The following CDC20B variants were observed in gnomAD, a reference collection of about 807,000 sequenced individuals.
CDC20B encodes cell division cycle protein 20 homolog B.
A neutral mutation model predicts 64.1 loss-of-function variants in CDC20B; 58 were observed. That is an observed-to-expected ratio of 0.90 (90% CI 0.73 to 1.13). CDC20B has a LOEUF of 1.13. CDC20B is among the 50% of genes most tolerant of loss of function. The pLI is 0.00. For synonymous variants in CDC20B, 243 were observed against 230.6 expected (o/e 1.05, Z -0.49); for missense variants, 597 against 633.0 (o/e 0.94, Z 0.61).
rs1742728819 is a variant in CDC20B, at chr5:55,120,442, G to A, written c.1324C>T (p.Pro442Ser). The change falls in exon 10 of 12, where the codon CCA (proline) becomes TCA (serine). Residue 442 changes from proline (P) to serine (S), a missense_variant. Physicochemically the swap from Pro to Ser is moderately conservative, Grantham distance 74 (BLOSUM62 -1). This residue lies in a region of CDC20B where 353 missense variants were observed against 397.0 expected (regional missense o/e 0.89). Coordinates refer to ENST00000381375, the MANE Select transcript of CDC20B (RefSeq NM_001170402.1). ...ATATTAACCTGTGAGTTTGTGCTTG[G>A]GGTCTGGATGCTCTTCCCAGCATTT... ...DINAGKSIQT[P>S]STNSQICSLI... is the part of the protein sequence containing the mutation. 1 of 1,613,566 alleles carries A rather than the reference G, an allele frequency of 6.2e-7. No homozygotes were observed. Among genetic ancestry groups the A allele is most frequent in the Admixed American group, 1.7e-5 (1 of 59,986 alleles).
chr5:55,118,812 A>G (rs569577342), intron 11 of CDC20B, among the ~76,000 whole-genome samples: 116 of 152,330 alleles, frequency 7.6e-4, no homozygotes, highest in African/African-American at 2.6e-3. Flanking sequence ...CGGGCTCATC[A>G]TCAGAGGCAG....
chr5:55,172,957 G>A lies in CDC20B; in HGVS notation c.44C>T (p.Thr15Met), dbSNP rs1424121360. 15 of 1,611,254 alleles carry A rather than the reference G, an allele frequency of 9.3e-6. No homozygotes were observed. The highest frequency in any genetic ancestry group is 1.3e-5 in the Non-Finnish European group (15 of 1,178,988). The change falls in exon 1 of 12, where the codon ACG becomes ATG. Residue 15 changes from threonine (T) to methionine (M), a missense_variant. This residue lies in a region of CDC20B where 241 missense variants were observed against 219.2 expected (regional missense o/e 1.10). Transcript: ENST00000381375. Reference protein sequence around the residue: ...LERTAPRRVRTEEEMLWESIM... With the variant: ...LERTAPRRVRMEEEMLWESIM... ...ACTCACCCACAGCATCTCCTCTTCC[G>A]TGCGGACCCTCCGAGGCGCGGTGCG... is the stretch of plus-strand genomic sequence containing the variant.
At chr5:55,118,728 C>G (rs1340528694) in intron 11 of CDC20B, among the ~76,000 whole-genome samples, 1 of 152,158 alleles carries the variant, frequency 6.6e-6, no homozygotes, top group Non-Finnish European at 1.5e-5. Context: ...GCTAAGAGTT[C>G]CCTGTATTCT....
chr5:55,123,242 G>C (rs1742799505), intron 9 of CDC20B, among the ~76,000 whole-genome samples: 1 of 152,086 alleles, frequency 6.6e-6, no homozygotes, highest in Admixed American at 6.6e-5. Flanking sequence ...TGCTTTAATT[G>C]TCTTTTTCAA....
At chr5:55,138,306 G>A (rs1157900889) in intron 5 of CDC20B, among the ~76,000 whole-genome samples, 5 of 152,014 alleles carry the variant, frequency 3.3e-5, no homozygotes, top group South Asian at 2.1e-4. Flanking sequence ...GATTACAGGC[G>A]TGAGCCACTA....
chr5:55,139,963 G>C (rs1743286186), intron 5 of CDC20B, among the ~76,000 whole-genome samples: 2 of 152,144 alleles, frequency 1.3e-5, no homozygotes, highest in South Asian at 4.1e-4. Context: ...GGAGGCAAAG[G>C]TTGCAGTGAG....
intron 2 of CDC20B, chr5:55,160,688 A>C: frequency 2.2e-6 from 1 of 454,026 alleles, no homozygotes; most frequent in East Asian, 3.8e-5. Context: ...ATTTATTAAT[A>C]AAAGTATTGG....
At chr5:55,128,855 T>G (rs553391454) in intron 6 of CDC20B, among the ~76,000 whole-genome samples, 5 of 152,346 alleles carry the variant, frequency 3.3e-5, no homozygotes, top group Admixed American at 6.5e-5. Flanking sequence ...GAAATATATT[T>G]ATTTAGAGCC....
intron 4 of CDC20B, among the ~76,000 whole-genome samples, chr5:55,140,718 T>C (rs1743306713): frequency 1.3e-5 from 2 of 152,178 alleles, no homozygotes. Context: ...CTATACACCA[T>C]AGGCCAGTGA....
intron 2 of CDC20B, chr5:55,160,445 G>A (rs1399428325): frequency 1.4e-6 from 2 of 1,460,358 alleles, no homozygotes; most frequent in African/African-American, 2.8e-5. Context: ...CCTTGTCTCT[G>A]TTTATTCCTC....
chr5:55,149,395 T>C (rs962017225), intron 2 of CDC20B, among the ~76,000 whole-genome samples: 11 of 152,216 alleles, frequency 7.2e-5, no homozygotes, highest in Non-Finnish European at 1.2e-4. Context: ...CTCAAATTCA[T>C]GTGCACATAT....
At chr5:55,164,316 C>A in intron 2 of CDC20B, 1 of 892,232 alleles carries the variant, frequency 1.1e-6, no homozygotes, top group Non-Finnish European at 1.6e-6. Context: ...CTCACTCTGT[C>A]ACCCAGGCTG....
intron 2 of CDC20B, among the ~76,000 whole-genome samples, chr5:55,163,660 C>T (rs1309043315): frequency 2.6e-5 from 4 of 151,552 alleles, no homozygotes; most frequent in Non-Finnish European, 5.9e-5. Flanking sequence ...GTGCACACCA[C>T]CACACCCGGC....
At position 55,113,360 on chromosome 5, in the gene CDC20B, C is replaced by T. The variant is rs1742550598; in HGVS notation, c.*858G>A. The T allele has an allele frequency of 6.6e-6, 1 of 152,272 alleles. No individual in the cohort carries two copies. Among genetic ancestry groups the T allele is most frequent in the Non-Finnish European group, 1.5e-5 (1 of 68,096 alleles). The allele number at this position is 152,272 out of a possible 1,614,324, so 9.4% of individuals were successfully genotyped here. A position where few individuals can be genotyped will look rare whatever the true frequency, so the allele number is the denominator to read the frequency against. ...TGGCAGAGCCAAGGCAAAAAAAGAT[C>T]TCCTAACTTCAAGTCCTGGGCTGAG... On this transcript the variant is annotated 3_prime_UTR_variant, in exon 12 of 12. Transcript: ENST00000381375.
intron 3 of CDC20B, among the ~76,000 whole-genome samples, chr5:55,145,422 C>A (rs1195994556): frequency 1.3e-5 from 2 of 152,132 alleles, no homozygotes; most frequent in Non-Finnish European, 2.9e-5. Flanking sequence ...CGCTGATAGT[C>A]AAAAGAATTA....
At chr5:55,122,686 G>C (rs1294478482) in intron 9 of CDC20B, among the ~76,000 whole-genome samples, 4 of 152,208 alleles carry the variant, frequency 2.6e-5, no homozygotes, top group African/African-American at 7.2e-5. Flanking sequence ...CTTGCTCTCT[G>C]AAGCACTGGA....
chr5:55,161,578 T>C (rs1580369355), intron 2 of CDC20B, among the ~76,000 whole-genome samples: 1 of 152,358 alleles, frequency 6.6e-6, no homozygotes, highest in South Asian at 2.1e-4. Context: ...AACTAGCATC[T>C]GGAGAAATGT....
At position 55,173,120 on chromosome 5, in the gene CDC20B, A is replaced by G; in HGVS notation, c.-120T>C. ...TCAAACCCCTGGAGTCCCGTCCCCCAGGACCATTCTATTTCACCACCTCCC... is the reference window on the plus strand; with the variant it reads ...TCAAACCCCTGGAGTCCCGTCCCCCGGGACCATTCTATTTCACCACCTCCC... On this transcript the variant is annotated 5_prime_UTR_variant, in exon 1 of 12. Coordinates refer to ENST00000381375, the MANE Select transcript of CDC20B (RefSeq NM_001170402.1). The G allele has an allele frequency of 1.3e-6, 1 of 786,834 alleles. No homozygotes were observed. Among genetic ancestry groups the G allele is most frequent in the Non-Finnish European group, 2.1e-6 (1 of 479,838 alleles). The allele number at this position is 786,834 out of a possible 1,614,324, so 48.7% of individuals were successfully genotyped here.
intron 5 of CDC20B, chr5:55,137,359 A>G: frequency 2.9e-6 from 1 of 342,902 alleles, no homozygotes; most frequent in South Asian, 2.4e-5. Flanking sequence ...GTACACCTGA[A>G]AGTTTACAGG....
Sources: allele counts gnomAD v4.1 joint callset (sites outside exome capture counted in the v4.1 genomes callset), GRCh38; gene constraint gnomAD v4.1.1; regional missense constraint gnomAD v4.1.1; transcripts MANE v1.5; gene names NCBI Gene and HGNC (gene_info 2026-07-23, HGNC 2026-07-21).